SLC4A9: variants seen among roughly 807,000 people sequenced by gnomAD.
SLC4A9 encodes solute carrier family 4 member 9.
SLC4A9 carries 102 observed loss-of-function variants against 103.2 expected under a neutral mutation model. That is an observed-to-expected ratio of 0.99 (90% CI 0.84 to 1.17). SLC4A9 has a LOEUF of 1.17. SLC4A9 is among the 50% of genes most tolerant of loss of function. The pLI is 0.00. For synonymous variants in SLC4A9, 453 were observed against 483.6 expected, an observed-to-expected ratio of 0.94 and a Z score of 0.83; for missense variants, 1,091 against 1,193.7, an observed-to-expected ratio of 0.91 and a Z score of 1.27.
intron 17 of SLC4A9, among the ~76,000 whole-genome samples, chr5:140,370,491 A>T (rs1768551916): frequency 6.6e-6 from 1 of 152,056 alleles, no homozygotes; most frequent in Non-Finnish European, 1.5e-5. Context: ...AAACAAAAAA[A>T]CAAATTAAAA....
At position 140,364,080 on chromosome 5, in the gene SLC4A9, A is replaced by G; in HGVS notation, c.1281A>G (p.Thr427=). The G allele has an allele frequency of 6.4e-7, 1 of 1,571,574 alleles. No homozygotes were observed. Among genetic ancestry groups the G allele is most frequent in the Non-Finnish European group, 8.6e-7 (1 of 1,159,628 alleles). ...GAGTGCTGGAAAGTTTCCTGGGCACAGCAGTGGCTGGAGCTGCCTTCTGCC... is the reference window on the plus strand; with the variant it reads ...GAGTGCTGGAAAGTTTCCTGGGCACGGCAGTGGCTGGAGCTGCCTTCTGCC... ...AQGVLESFLG[T]AVAGAAFCLM... is the part of the protein sequence containing the mutation. Residue 427 remains threonine, a synonymous_variant, in exon 10 of 22, where the codon ACA becomes ACG. Transcript: ENST00000506757.
intron 3 of SLC4A9, among the ~76,000 whole-genome samples, 198 bp downstream of exon 3, chr5:140,361,565 C>T (rs774915177): frequency 6.6e-5 from 10 of 152,220 alleles, no homozygotes; most frequent in Non-Finnish European, 7.3e-5. Context: ...TCTGTGAAGA[C>T]ATGTACTTGG....
chr5:140,362,481 A>T lies in SLC4A9; in HGVS notation c.756A>T (p.Gly252=), dbSNP rs1341116812. The T allele has an allele frequency of 3.7e-6, 6 of 1,614,024 alleles. No homozygotes were observed. Among genetic ancestry groups the T allele is most frequent in the Non-Finnish European group, 5.1e-6 (6 of 1,179,882 alleles). Residue 252 remains glycine (G), a synonymous_variant, in exon 6 of 22, where the codon GGA becomes GGT. Transcript: ENST00000506757. ...FCLLLGPCML[G]KGYHEMGRAA... Reference sequence around the variant, plus strand: ...TTCTCCTGGGCCCCTGTATGCTGGGAAAGGGCTACCATGAGATGGGACGGG... The same window carrying T: ...TTCTCCTGGGCCCCTGTATGCTGGGTAAGGGCTACCATGAGATGGGACGGG...
rs1184478639 is a variant in SLC4A9, at chr5:140,365,874, A to C, written c.1751A>C (p.Glu584Ala). The C allele has an allele frequency of 1.2e-6, 2 of 1,613,920 alleles. No individual in the cohort carries two copies. The highest frequency in any genetic ancestry group is 3.3e-5 in the Admixed American group (2 of 60,010). The change falls in exon 13 of 22, where the codon GAG becomes GCG. Residue 584 changes from glutamate (E) to alanine (A), a missense_variant. Physicochemically the swap from Glu to Ala is moderately radical, Grantham distance 107. Transcript: ENST00000506757. ...AATGCATCCTTGCTGCCGCCACCTGAGTGCACCCGGCAGGGAGGCCACCCT... is the reference window on the plus strand; with the variant it reads ...AATGCATCCTTGCTGCCGCCACCTGCGTGCACCCGGCAGGGAGGCCACCCT... ...LINASLLPPP[E>A]CTRQGGHPRG... is the part of the protein sequence containing the mutation.
At chr5:140,371,391 T>G in intron 18 of SLC4A9, 60 bp from the exon 19 acceptor site, 1 of 1,596,656 alleles carries the variant, frequency 6.3e-7, no homozygotes, top group Non-Finnish European at 8.6e-7. Context: ...TAGCTATCAG[T>G]GACACCCTCC....
chr5:140,361,856 G>A lies in SLC4A9; in HGVS notation c.554G>A (p.Arg185Lys). 1.2e-6 allele frequency: 2 copies of A among 1,614,004 alleles called. No homozygotes were observed. Among genetic ancestry groups the A allele is most frequent in the South Asian group, 1.1e-5 (1 of 91,080 alleles). Residue 185 changes from arginine (R) to lysine (K), a missense_variant, in exon 4 of 22, where the codon AGG (arginine) becomes AAG (lysine). Physicochemically the swap from Arg to Lys is conservative, Grantham distance 26 (BLOSUM62 2). Coordinates refer to ENST00000506757, the MANE Select transcript of SLC4A9 (RefSeq NM_031467.3). ...TCTGACAATGAGGAAGCCCCCCTGAGGGAACAGGTTTGTGGCCCTTCCTTG... is the reference window on the plus strand; with the variant it reads ...TCTGACAATGAGGAAGCCCCCCTGAAGGAACAGGTTTGTGGCCCTTCCTTG... ...KASDNEEAPL[R>K]EQCQNPLRQK...
chr5:140,361,072 C>T (rs1210111574), intron 2 of SLC4A9, 100 bp downstream of exon 2: 1 of 1,293,808 alleles, frequency 7.7e-7, no homozygotes, highest in Non-Finnish European at 1.1e-6. Context: ...CATCCCTACC[C>T]CTCCTAGGAT....
Position 140,362,993 on chromosome 5 carries a change from G to A in SLC4A9, c.889G>A (p.Val297Met), listed in dbSNP as rs914235832. 2.5e-6 allele frequency: 4 copies of A among 1,612,656 alleles called. No homozygotes were observed. The highest frequency in any genetic ancestry group is 3.4e-6 in the Non-Finnish European group (4 of 1,179,514). Reference sequence around the variant, plus strand: ...GGATGCATTCCTAGAGGAGGTGACAGTGCTTCCCCCAGGTCGGTGGGACCC... The same window carrying A: ...GGATGCATTCCTAGAGGAGGTGACAATGCTTCCCCCAGGTCGGTGGGACCC... ...ALDAFLEEVT[V>M]LPPGRWDPTA... Residue 297 changes from valine (V) to methionine (M), a missense_variant, in exon 7 of 22, where the codon GTG becomes ATG. Transcript: ENST00000506757.
chr5:140,373,835 A>C (rs1333873547), intron 21 of SLC4A9, among the ~76,000 whole-genome samples: 1 of 151,800 alleles, frequency 6.6e-6, no homozygotes, highest in Admixed American at 6.6e-5. Context: ...AGATGGAGGG[A>C]AAATATTCTA....
chr5:140,372,215 G>T, intron 19 of SLC4A9, 27 bp from the exon 20 acceptor site: 1 of 1,529,492 alleles, frequency 6.5e-7, no homozygotes, highest in Non-Finnish European at 8.7e-7. Context: ...TTGCTGACAG[G>T]CCTGGGCCAT....
chr5:140,361,445 T>C, intron 3 of SLC4A9, 78 bp downstream of exon 3: 1 of 1,200,680 alleles, frequency 8.3e-7, no homozygotes, highest in South Asian at 1.4e-5. Flanking sequence ...CTTCCAGGGC[T>C]AGAAGTAGCC....
At chr5:140,372,563 A>C in intron 20 of SLC4A9, 166 bp downstream of exon 20, 1 of 1,442,892 alleles carries the variant, frequency 6.9e-7, no homozygotes, top group Non-Finnish European at 9.1e-7. Flanking sequence ...GGTGAAGGAA[A>C]TCTTTCTTCA....
intron 18 of SLC4A9, 143 bp downstream of exon 18, chr5:140,371,306 C>G: frequency 7.2e-7 from 1 of 1,388,050 alleles, no homozygotes; most frequent in Admixed American, 1.8e-5. Context: ...CCCTCTTACT[C>G]TCTTTTTCCT....
In SLC4A9 at chr5:140,364,534, G is replaced by A. The variant is rs1767605719; in HGVS notation, c.1560G>A (p.Val520=). ...GCCTCATCTTCATCTACGATGCTGTGGGCAAAATGCTGAACTTGACCCATA... is the reference window on the plus strand; with the variant it reads ...GCCTCATCTTCATCTACGATGCTGTAGGCAAAATGCTGAACTTGACCCATA... ...LISLIFIYDA[V]GKMLNLTHTY... is the part of the protein sequence containing the mutation. Residue 520 remains valine, a synonymous_variant, in exon 11 of 22, where the codon GTG becomes GTA. Coordinates refer to ENST00000506757, the MANE Select transcript of SLC4A9 (RefSeq NM_031467.3). 2 of 1,608,974 alleles carry A rather than the reference G, an allele frequency of 1.2e-6. No homozygotes were observed. Among genetic ancestry groups the A allele is most frequent in the Non-Finnish European group, 1.7e-6 (2 of 1,177,572 alleles).
chr5:140,372,541 G>A, intron 20 of SLC4A9, 144 bp downstream of exon 20: 1 of 1,464,568 alleles, frequency 6.8e-7, no homozygotes, highest in South Asian at 1.4e-5. Flanking sequence ...ATGGACATAG[G>A]CAGACTGAAG....
chr5:140,361,087 T>C, intron 2 of SLC4A9, 115 bp downstream of exon 2: 1 of 1,223,422 alleles, frequency 8.2e-7, no homozygotes, highest in Non-Finnish European at 1.1e-6. Context: ...TAGGATTGTC[T>C]ACCCTTGTCA....
intron 1 of SLC4A9, 154 bp from the exon 2 acceptor site, chr5:140,360,658 T>C: frequency 7.7e-7 from 1 of 1,293,706 alleles, no homozygotes; most frequent in Middle Eastern, 2.3e-4. Context: ...CCCAAGACCC[T>C]AGATGAGGGG....
rs143328934 is a variant in SLC4A9, at chr5:140,373,329, C to T, written c.*45+486C>T. Among the ~76,000 whole-genome samples, 346 of 152,286 alleles carry T rather than the reference C, an allele frequency of 2.3e-3. 1 individual carries two copies. Among genetic ancestry groups the T allele is most frequent in the African/African-American group, 6.6e-3 (273 of 41,560 alleles). ...AAGCATTTTCTGAGTACCTATCATG[C>T]AGTATCTTGGTACTAGAGATACAGT... On this transcript the variant is annotated intron_variant, in intron 21 of 21. Transcript: ENST00000506757.
Position 140,360,907 on chromosome 5 carries a change from G to C in SLC4A9, c.326G>C (p.Arg109Pro), listed in dbSNP as rs781339669. Residue 109 changes from arginine to proline, a missense_variant, in exon 2 of 22, where the codon CGC (arginine) becomes CCC (proline). By Grantham distance (103) the Arg-to-Pro change is moderately radical. Transcript: ENST00000506757. ...GCACTGCCCAGCCTCCAGAAGCTCC[G>C]CAGCCTGCTGGCCGAGGGCCTTGTA... Reference protein sequence around the residue: ...TLALPSLQKLRSLLAEGLVLL... With the variant: ...TLALPSLQKLPSLLAEGLVLL... 6.2e-7 allele frequency: 1 copy of C among 1,607,402 alleles called. No individual in the cohort carries two copies.
Sources: allele counts gnomAD v4.1 joint callset (sites outside exome capture counted in the v4.1 genomes callset), GRCh38; gene constraint gnomAD v4.1.1; transcripts MANE v1.5; gene names NCBI Gene and HGNC (gene_info 2026-07-23, HGNC 2026-07-21).